Variants in MBOAT2 observed in about 807,000 individuals in gnomAD.
MBOAT2 encodes membrane-bound glycerophospholipid O-acyltransferase 2.
In MBOAT2, 28 loss-of-function variants were observed where a neutral mutation model predicts 63.4. The observed-to-expected ratio is 0.44, with a 90% CI of 0.33 to 0.61. The LOEUF (loss-of-function observed/expected upper bound fraction) is 0.61. Among genes scored for constraint, MBOAT2 ranks in the 20% least tolerant of loss-of-function variants. MBOAT2 has a pLI of 0.03. For synonymous variants in MBOAT2, 211 were observed against 215.6 expected (o/e 0.98, Z 0.19); for missense variants, 470 against 605.8 (o/e 0.78, Z 2.35).
At chr2:8,934,805 A>G (rs1667548447) in intron 3 of MBOAT2, among the ~76,000 whole-genome samples, 1 of 152,172 alleles carries the variant, frequency 6.6e-6, no homozygotes. Flanking sequence ...TATTTTCCCC[A>G]AAGAGTTCCT....
intron 4 of MBOAT2, among the ~76,000 whole-genome samples, chr2:8,905,945 G>T (rs1351870594): frequency 3.9e-5 from 6 of 152,050 alleles, no homozygotes; most frequent in Non-Finnish European, 8.8e-5. Context: ...GTATTTAACT[G>T]GCATTTTATT....
intron 6 of MBOAT2, among the ~76,000 whole-genome samples, chr2:8,880,583 C>T (rs1299819893): frequency 1.1e-4 from 17 of 152,156 alleles, no homozygotes; most frequent in Admixed American, 1.0e-3. Flanking sequence ...CCTTCAAACA[C>T]GAAGATGGCC....
chr2:8,954,042 T>C (rs1056162335), intron 2 of MBOAT2, among the ~76,000 whole-genome samples: 2 of 152,346 alleles, frequency 1.3e-5, no homozygotes, highest in East Asian at 1.9e-4. Flanking sequence ...TCTAATTTTT[T>C]AATTATTTTC....
At chr2:8,951,858 T>C (rs923818487) in intron 2 of MBOAT2, among the ~76,000 whole-genome samples, 1 of 152,204 alleles carries the variant, frequency 6.6e-6, no homozygotes, top group African/African-American at 2.4e-5. Context: ...GTCCTCTTTA[T>C]CCTTTTAAAG....
At chr2:9,001,208 A>C (rs1393371720) in intron 1 of MBOAT2, among the ~76,000 whole-genome samples, 1 of 152,158 alleles carries the variant, frequency 6.6e-6, no homozygotes, top group Non-Finnish European at 1.5e-5. Flanking sequence ...TTTTTTAAAT[A>C]AATAGGAGTA....
At chr2:8,886,254 C>T (rs1170725964) in intron 5 of MBOAT2, among the ~76,000 whole-genome samples, 4 of 152,226 alleles carry the variant, frequency 2.6e-5, no homozygotes, top group African/African-American at 4.8e-5. Flanking sequence ...TGGGAGAGGA[C>T]TTCTGGAAAC....
At chr2:8,940,438 T>C (rs1667971075) in intron 3 of MBOAT2, among the ~76,000 whole-genome samples, 1 of 152,100 alleles carries the variant, frequency 6.6e-6, no homozygotes, top group Admixed American at 6.5e-5. Context: ...ATTACAGGCA[T>C]GCACCACCAC....
intron 2 of MBOAT2, among the ~76,000 whole-genome samples, chr2:8,955,870 C>T (rs1053974240): frequency 2.0e-5 from 3 of 152,162 alleles, no homozygotes; most frequent in Admixed American, 6.5e-5. Flanking sequence ...GAGCAGCCAT[C>T]AACATCAAAG....
chr2:8,974,859 A>C (rs1202489700), intron 1 of MBOAT2, among the ~76,000 whole-genome samples: 1 of 152,084 alleles, frequency 6.6e-6, no homozygotes, highest in Non-Finnish European at 1.5e-5. Flanking sequence ...TGGCAACCAC[A>C]CCTTAAAGGA....
At chr2:8,912,403 GAAAGAAAGAAAGA>G (rs1665852979) in intron 3 of MBOAT2, among the ~76,000 whole-genome samples, 1 of 150,414 alleles carries the variant, frequency 6.6e-6, no homozygotes, top group African/African-American at 2.5e-5. Flanking sequence ...AAGAAAGAAA[GAAAGAAAGAAAGA>G]CAGGCCGGCC....
intron 6 of MBOAT2, among the ~76,000 whole-genome samples, chr2:8,878,889 A>C (rs373758506): frequency 5.9e-5 from 9 of 151,976 alleles, no homozygotes; most frequent in African/African-American, 2.2e-4. Flanking sequence ...ATCCCAGCTA[A>C]AACGGTGAAA....
At chr2:8,885,936 A>G (rs906471704) in intron 5 of MBOAT2, among the ~76,000 whole-genome samples, 2 of 152,204 alleles carry the variant, frequency 1.3e-5, no homozygotes, top group African/African-American at 4.8e-5. Context: ...TATCCTTAGA[A>G]AGGCCTGCTT....
intron 1 of MBOAT2, among the ~76,000 whole-genome samples, chr2:8,963,744 A>G (rs1466043004): frequency 1.3e-5 from 2 of 152,258 alleles, no homozygotes; most frequent in Non-Finnish European, 2.9e-5. Context: ...AACTATGTAT[A>G]TACATTCATT....
intron 1 of MBOAT2, among the ~76,000 whole-genome samples, chr2:8,989,591 C>A (rs1671789535): frequency 6.6e-6 from 1 of 152,114 alleles, no homozygotes; most frequent in African/African-American, 2.4e-5. Context: ...GCTACTGATG[C>A]CTAATGTACA....
chr2:8,864,227 G>A lies in MBOAT2; in HGVS notation c.995C>T (p.Thr332Ile), dbSNP rs753835262. ...NLRIQQIEMS[T>I]SFKMFLDNWN... ...ATTATCAAGAAACATCTTGAAACTT[G>A]TTGACATCTGAAAAAAAAGGAAACT... Residue 332 changes from threonine to isoleucine, a missense_variant, in exon 10 of 13, where the codon ACA (threonine) becomes ATA (isoleucine). Transcript: ENST00000305997. 4.5e-5 allele frequency: 71 copies of A among 1,562,906 alleles called. No homozygotes were observed. Among genetic ancestry groups the A allele is most frequent in the Non-Finnish European group, 5.6e-5 (65 of 1,160,450 alleles).
chr2:8,952,651 G>C (rs139030522), intron 2 of MBOAT2, among the ~76,000 whole-genome samples: 1 of 152,012 alleles, frequency 6.6e-6, no homozygotes, highest in African/African-American at 2.4e-5. Flanking sequence ...TTGAACCCTT[G>C]AGAGGGAGGA....
chr2:8,870,966 T>C (rs745380185), intron 8 of MBOAT2, among the ~76,000 whole-genome samples: 2 of 152,118 alleles, frequency 1.3e-5, no homozygotes, highest in African/African-American at 2.4e-5. Context: ...TTAATTGTCA[T>C]AATTGCAAAT....
In MBOAT2 at chr2:9,003,671, G is replaced by C. The variant is rs536673975; in HGVS notation, c.-57C>G. On this transcript the variant is annotated 5_prime_UTR_variant, in exon 1 of 13. Coordinates refer to ENST00000305997, the MANE Select transcript of MBOAT2 (RefSeq NM_138799.4). This position sits in a 1 kb window ranked among gnomAD's most constrained non-coding sequence, Gnocchi z 5.4. Reference sequence around the variant, plus strand: ...CGCTCGCCCGCTCGCGCTGTGCCGGGCGACGACGAGGATGGGGATGCAGCG... The same window carrying C: ...CGCTCGCCCGCTCGCGCTGTGCCGGCCGACGACGAGGATGGGGATGCAGCG... The C allele has an allele frequency of 1.7e-3, 1,831 of 1,076,584 alleles. 17 individuals are homozygous for C. The highest frequency in any genetic ancestry group is 0.014 in the South Asian group (320 of 22,588). 66.7% of individuals were successfully genotyped at this position (1,076,584 alleles called of 1,614,324 possible). A position where few individuals can be genotyped will look rare whatever the true frequency, so the allele number is the denominator to read the frequency against.
chr2:8,950,438 G>A lies in MBOAT2; in HGVS notation c.222-7174C>T, dbSNP rs527241515. ...CTTCCAGTTTGTTTTTTGTTTGTTTGTTTGTTTGAGACACAGTCTCGCTCT... is the reference window on the plus strand; with the variant it reads ...CTTCCAGTTTGTTTTTTGTTTGTTTATTTGTTTGAGACACAGTCTCGCTCT... On this transcript the variant is annotated intron_variant, in intron 2 of 12. Coordinates refer to ENST00000305997, the MANE Select transcript of MBOAT2 (RefSeq NM_138799.4). 3.9e-5 allele frequency among the ~76,000 whole-genome samples: 6 copies of A among 152,126 alleles called. No individual in the cohort carries two copies. In the South Asian group the frequency reaches 1.2e-3, roughly 32 times the overall value.
Sources: gnomAD v4.1 joint callset for allele counts (sites outside exome capture counted in the v4.1 genomes callset) on GRCh38, gnomAD v4.1.1 for gene constraint, Gnocchi (gnomAD v3.1) non-coding constraint, MANE v1.5 for transcripts, NCBI Gene and HGNC (gene_info 2026-07-23, HGNC 2026-07-21) for gene names.